ZMYND11: variants seen among roughly 807,000 people sequenced by gnomAD.
ZMYND11 encodes the protein zinc finger MYND-type containing 11.
A neutral mutation model predicts 84.9 loss-of-function variants in ZMYND11; 9 were observed. The ratio of observed to expected loss-of-function variants is 0.11; its 90% CI spans 0.06 to 0.18. The LOEUF is 0.18. Among genes scored for constraint, ZMYND11 ranks in the 10% least tolerant of loss-of-function variants. The pLI is 1.00. For missense variants in ZMYND11, 409 were observed against 761.0 expected (o/e 0.54, Z 5.44); for synonymous variants, 250 against 244.1 (o/e 1.02, Z -0.23).
intron 3 of ZMYND11, among the ~76,000 whole-genome samples, chr10:214,986 A>G (rs1945911352): frequency 6.6e-6 from 1 of 152,260 alleles, no homozygotes; most frequent in South Asian, 2.1e-4. Flanking sequence ...TTAATGTAAT[A>G]CACTAAGGCA....
At chr10:158,984 GTTTTTTGTTTTT>G (rs1842343610) in intron 1 of ZMYND11, among the ~76,000 whole-genome samples, 1 of 40,026 alleles carries the variant, frequency 2.5e-5, no homozygotes, top group African/African-American at 7.6e-5. Flanking sequence ...AGGGTTTTTT[GTTTTTTGTTTTT>G]TTTTTTTTTT....
At chr10:194,898 A>G (rs1941371300) in intron 2 of ZMYND11, among the ~76,000 whole-genome samples, 1 of 152,178 alleles carries the variant, frequency 6.6e-6, no homozygotes, top group Non-Finnish European at 1.5e-5. Flanking sequence ...CTGGCTAAAA[A>G]CTTTCTGAAA....
At chr10:147,344 C>T (rs782755737) in intron 1 of ZMYND11, among the ~76,000 whole-genome samples, 1 of 152,082 alleles carries the variant, frequency 6.6e-6, no homozygotes, top group Non-Finnish European at 1.5e-5. Flanking sequence ...AGGGGGAATG[C>T]TTTCAACTTT....
At chr10:133,972 C>A (rs1035637437), upstream of ZMYND11, among the ~76,000 whole-genome samples, 6 of 152,064 alleles carry the variant, frequency 3.9e-5, no homozygotes, top group Non-Finnish European at 5.9e-5. Context: ...TCTTAGAAAC[C>A]AGCTGTAGAA....
chr10:169,900 C>T (rs1554765151), intron 1 of ZMYND11, among the ~76,000 whole-genome samples: 1 of 152,094 alleles, frequency 6.6e-6, no homozygotes, highest in African/African-American at 2.4e-5. Context: ...AAATGCTTGA[C>T]AATTTCACCA....
intron 1 of ZMYND11, among the ~76,000 whole-genome samples, chr10:153,098 C>T (rs782120336): frequency 2.0e-5 from 3 of 152,236 alleles, no homozygotes; most frequent in Non-Finnish European, 2.9e-5. Flanking sequence ...TACCTTTAGC[C>T]GTGGTACTGA....
chr10:190,315 C>T (rs938156296), intron 2 of ZMYND11, among the ~76,000 whole-genome samples: 4 of 152,134 alleles, frequency 2.6e-5, no homozygotes, highest in Non-Finnish European at 4.4e-5. Context: ...CTGTTGCAAA[C>T]GTTTTCCTGC....
At chr10:208,317 C>A (rs1001944189) in intron 2 of ZMYND11, among the ~76,000 whole-genome samples, 1 of 152,152 alleles carries the variant, frequency 6.6e-6, no homozygotes, top group Non-Finnish European at 1.5e-5. Context: ...TAAAGAGCTT[C>A]TGCACAGCAA....
rs2131745701 is a variant in ZMYND11, at chr10:240,103, T to C, written c.745T>C (p.Cys249Arg). 6.2e-7 allele frequency: 1 copy of C among 1,610,460 alleles called. No homozygotes were observed. Among genetic ancestry groups the C allele is most frequent in the Non-Finnish European group, 8.5e-7 (1 of 1,178,102 alleles). ...DIARMLYKDT[C>R]HELDELQLCK... ...TGCGAGGATGCTATATAAAGACACA[T>C]GTCATGAGGTACTATTCATTGCCCA... The change falls in exon 8 of 15, where the codon TGT becomes CGT. Residue 249 changes from cysteine to arginine, a missense_variant. Physicochemically the swap from Cys to Arg is radical, Grantham distance 180. Around this residue, in one of 7 missense-constraint regions of ZMYND11, gnomAD observed 59 missense variants for 151.0 expected, o/e 0.39. Transcript: ENST00000381604.
At chr10:230,173 T>C (rs1315714632) in intron 4 of ZMYND11, among the ~76,000 whole-genome samples, 1 of 152,128 alleles carries the variant, frequency 6.6e-6, no homozygotes, top group Non-Finnish European at 1.5e-5. Flanking sequence ...CCTGGTGAGC[T>C]TATTTAAAAC....
chr10:205,883 G>A (rs1013742116), intron 2 of ZMYND11, among the ~76,000 whole-genome samples: 1 of 151,614 alleles, frequency 6.6e-6, no homozygotes, highest in African/African-American at 2.4e-5. Context: ...TAACAATGGC[G>A]TGTATAACTT....
intron 14 of ZMYND11, among the ~76,000 whole-genome samples, chr10:250,769 G>A (rs1953281532): frequency 6.6e-6 from 1 of 152,154 alleles, no homozygotes; most frequent in Non-Finnish European, 1.5e-5. Flanking sequence ...CAGGCTCGGT[G>A]CTCACACCTG....
intron 4 of ZMYND11, among the ~76,000 whole-genome samples, chr10:232,616 A>G (rs1286189357): frequency 6.6e-6 from 1 of 152,156 alleles, no homozygotes; most frequent in Non-Finnish European, 1.5e-5. Flanking sequence ...AGTGCTTGAG[A>G]AGGGCTTCAT....
intron 2 of ZMYND11, 123 bp from the exon 3 acceptor site, chr10:209,766 T>C: frequency 1.1e-6 from 1 of 902,526 alleles, no homozygotes; most frequent in Non-Finnish European, 1.6e-6. Flanking sequence ...TTGTTCTTTA[T>C]CTCAACAGGA....
chr10:148,588 A>G (rs1044353500), intron 1 of ZMYND11: 2 of 152,278 alleles, frequency 1.3e-5, no homozygotes, highest in South Asian at 2.1e-4. Context: ...GTACCTAGGC[A>G]GTGCCTGATA....
intron 2 of ZMYND11, among the ~76,000 whole-genome samples, chr10:190,223 C>T (rs1469546571): frequency 6.6e-6 from 1 of 152,080 alleles, no homozygotes; most frequent in Non-Finnish European, 1.5e-5. Context: ...CCTGTTTTTC[C>T]AGCCCCTAGC....
chr10:181,189 A>G (rs1200087411), intron 2 of ZMYND11, among the ~76,000 whole-genome samples: 4 of 152,230 alleles, frequency 2.6e-5, no homozygotes, highest in African/African-American at 9.6e-5. Context: ...TTTAGATGCT[A>G]TGGGTAGAAA....
chr10:252,724 G>A lies in ZMYND11; in HGVS notation c.*254G>A. On this transcript the variant is annotated 3_prime_UTR_variant, in exon 15 of 15. Coordinates refer to ENST00000381604, the MANE Select transcript of ZMYND11 (RefSeq NM_001370100.5). The surrounding 1 kb of genome is among the most constrained non-coding windows in gnomAD (Gnocchi z 4.6). ...TAATTGAGAATTTGTTGCATTTTCA[G>A]CAAATTTTAAAACATTTTTAGGTTT... 3.0e-6 allele frequency: 1 copy of A among 330,674 alleles called. No individual in the cohort carries two copies. The highest frequency in any genetic ancestry group is 5.4e-6 in the Non-Finnish European group (1 of 185,034). The allele number at this position is 330,674 out of a possible 1,614,324, so 20.5% of individuals were successfully genotyped here.
chr10:178,883 A>G (rs1364719839), intron 1 of ZMYND11, among the ~76,000 whole-genome samples: 1 of 152,114 alleles, frequency 6.6e-6, no homozygotes, highest in African/African-American at 2.4e-5. Flanking sequence ...AAAGGAGGGG[A>G]ACTGAGTAGG....
Sources: allele counts gnomAD v4.1 joint callset (sites outside exome capture counted in the v4.1 genomes callset), GRCh38; gene constraint gnomAD v4.1.1; regional missense constraint gnomAD v4.1.1; non-coding constraint Gnocchi (gnomAD v3.1); transcripts MANE v1.5; gene names NCBI Gene and HGNC (gene_info 2026-07-23, HGNC 2026-07-21).